Variants in PADI2 observed in about 807,000 individuals in gnomAD.
PADI2 encodes protein-arginine deiminase type-2.
In PADI2, 70 loss-of-function variants were observed where a neutral mutation model predicts 81.1. That is an observed-to-expected ratio of 0.86 (90% CI 0.71 to 1.05). PADI2 has a LOEUF of 1.05. Among genes scored for constraint, PADI2 ranks in the 50% least tolerant of loss-of-function variants. The probability of loss-of-function intolerance (pLI) is 0.00; values close to 1 mark genes in which losing one functional copy is unlikely to be tolerated. For synonymous variants in PADI2, 338 were observed against 358.0 expected, an observed-to-expected ratio of 0.94 and a Z score of 0.63; for missense variants, 853 against 889.9, an observed-to-expected ratio of 0.96 and a Z score of 0.53.
Position 17,119,332 on chromosome 1 carries a change from G to A in PADI2, c.40C>T (p.Arg14Cys). The A allele has an allele frequency of 6.4e-7, 1 of 1,557,368 alleles. No individual in the cohort carries two copies. The change falls in exon 1 of 16, where the codon CGC (arginine) becomes TGC (cysteine). Residue 14 changes from arginine (R) to cysteine (C), a missense_variant. By Grantham distance (180) the Arg-to-Cys change is radical. Coordinates refer to ENST00000375486, the MANE Select transcript of PADI2 (RefSeq NM_007365.3). The surrounding 1 kb of genome is among the most constrained non-coding windows in gnomAD (Gnocchi z 4.8). ...ERTVRLQYGS[R>C]VEAVYVLGTY... Reference sequence around the variant, plus strand: ...CCCAGCACGTACACCGCCTCCACGCGGCTCCCGTACTGCAGCCGCACGGTC... The same window carrying A: ...CCCAGCACGTACACCGCCTCCACGCAGCTCCCGTACTGCAGCCGCACGGTC...
At chr1:17,117,776 T>C (rs1397717745) in intron 1 of PADI2, among the ~76,000 whole-genome samples, 2 of 152,212 alleles carry the variant, frequency 1.3e-5, no homozygotes, top group Non-Finnish European at 2.9e-5. Flanking sequence ...GTGGGTATGG[T>C]GACAGCTGAG....
chr1:17,077,436 G>C (rs2647196), intron 11 of PADI2, among the ~76,000 whole-genome samples: 148,346 of 152,246 alleles, frequency 0.97, 72,279 homozygotes, highest in East Asian at 1. Flanking sequence ...TTTAAGGGCC[G>C]CCCCTGAGCT....
chr1:17,116,078 A>G (rs1024084411), intron 1 of PADI2, among the ~76,000 whole-genome samples: 1 of 152,218 alleles, frequency 6.6e-6, no homozygotes, highest in African/African-American at 2.4e-5. Flanking sequence ...TACATCTTCT[A>G]TTGAATACAA....
At position 17,071,331 on chromosome 1, in the gene PADI2, G is replaced by T. The variant is rs566731935; in HGVS notation, c.1635+75C>A. ...GAGCCCTTGGCCATTCTCTACGGAAGCCCCAAGGATGTAAGGGCCTGAGCC... is the reference window on the plus strand; with the variant it reads ...GAGCCCTTGGCCATTCTCTACGGAATCCCCAAGGATGTAAGGGCCTGAGCC... On this transcript the variant is annotated intron_variant, in intron 14 of 15. Coordinates refer to ENST00000375486, the MANE Select transcript of PADI2 (RefSeq NM_007365.3). 7.9e-5 allele frequency: 87 copies of T among 1,097,942 alleles called. 2 individuals carry two copies. In the South Asian group the frequency reaches 1.0e-3, roughly 13 times the overall value. 68.0% of individuals were successfully genotyped at this position (1,097,942 alleles called of 1,614,324 possible). A position where few individuals can be genotyped will look rare whatever the true frequency, so the allele number is the denominator to read the frequency against.
chr1:17,114,459 T>C (rs1931690496), intron 1 of PADI2, among the ~76,000 whole-genome samples: 1 of 152,066 alleles, frequency 6.6e-6, no homozygotes, highest in Non-Finnish European at 1.5e-5. Flanking sequence ...GGACAAACAC[T>C]CCTTCCTTCA....
At position 17,095,892 on chromosome 1, in the gene PADI2, C is replaced by A; in HGVS notation, c.411+17G>T. 2 of 1,602,890 alleles carry A rather than the reference C, an allele frequency of 1.2e-6. No individual in the cohort carries two copies. Among genetic ancestry groups the A allele is most frequent in the Non-Finnish European group, 1.7e-6 (2 of 1,173,272 alleles). ...AGCCCTGGGTTCAGGGTGGTGCCTG[C>A]CCTGAAAGCTAGGTACCTTCTTTGG... is the stretch of plus-strand genomic sequence containing the variant. On this transcript the variant is annotated intron_variant, in intron 4 of 15. Coordinates refer to ENST00000375486, the MANE Select transcript of PADI2 (RefSeq NM_007365.3).
At chr1:17,092,267 A>G in intron 6 of PADI2, 141 bp downstream of exon 6, 1 of 595,344 alleles carries the variant, frequency 1.7e-6, no homozygotes, top group Non-Finnish European at 2.9e-6. Flanking sequence ...TTCACGGGAC[A>G]ACAGCATTGC....
intron 6 of PADI2, among the ~76,000 whole-genome samples, chr1:17,091,801 C>T (rs550283120): frequency 5.9e-5 from 9 of 152,166 alleles, no homozygotes; most frequent in East Asian, 5.8e-4. Context: ...GCTAGACTGG[C>T]GGCTCCTTGA....
intron 1 of PADI2, among the ~76,000 whole-genome samples, chr1:17,112,216 AG>A (rs1286646776): frequency 6.6e-6 from 1 of 151,886 alleles, no homozygotes; most frequent in African/African-American, 2.4e-5. Context: ...AATGGCCACT[AG>A]GTTGGTGTCA....
rs778665624 is a variant in PADI2, at chr1:17,083,767, C to T, written c.1009G>A (p.Val337Ile). ...CCTCGGTTTAGGTACTGGAAGCAGA[C>T]CTTCAGCTCACAGTTGGTTTTCTCC... ...LVEKTNCELK[V>I]CFQYLNRGDR... The change falls in exon 9 of 16, where the codon GTC (valine) becomes ATC (isoleucine). Residue 337 changes from valine to isoleucine, a missense_variant. Val to Ile is a conservative substitution (Grantham distance 29, BLOSUM62 3). Coordinates refer to ENST00000375486, the MANE Select transcript of PADI2 (RefSeq NM_007365.3). 6.2e-7 allele frequency: 1 copy of T among 1,613,828 alleles called. No individual in the cohort carries two copies. Among genetic ancestry groups the T allele is most frequent in the Non-Finnish European group, 8.5e-7 (1 of 1,179,686 alleles).
In PADI2 at chr1:17,104,898, T is replaced by C; in HGVS notation, c.256A>G (p.Thr86Ala). Residue 86 changes from threonine to alanine, a missense_variant, in exon 2 of 16, where the codon ACC (threonine) becomes GCC (alanine). Coordinates refer to ENST00000375486, the MANE Select transcript of PADI2 (RefSeq NM_007365.3). Reference sequence around the variant, plus strand: ...GGTACCTTGTCACTGCTGGCCTCGGTGCTCGCCTGGCTCATGGTGACCCGC... The same window carrying C: ...GGTACCTTGTCACTGCTGGCCTCGGCGCTCGCCTGGCTCATGGTGACCCGC... ...TLRVTMSQAS[T>A]EASSDKVTVN... 6.3e-7 allele frequency: 1 copy of C among 1,586,486 alleles called. No homozygotes were observed. Among genetic ancestry groups the C allele is most frequent in the African/African-American group, 1.3e-5 (1 of 74,592 alleles).
At chr1:17,083,094 A>T (rs2078357626) in intron 9 of PADI2, 1 of 157,998 alleles carries the variant, frequency 6.3e-6, no homozygotes, top group Non-Finnish European at 1.4e-5. Context: ...GCATGTCTTG[A>T]ATTCCTGTTC....
Position 17,071,488 on chromosome 1 carries a change from A to C in PADI2, c.1553T>G (p.Leu518Trp). 6.2e-7 allele frequency: 1 copy of C among 1,612,850 alleles called. No individual in the cohort carries two copies. Among genetic ancestry groups the C allele is most frequent in the East Asian group, 2.2e-5 (1 of 44,860 alleles). Reference sequence around the variant, plus strand: ...GATTCGCTTGCTGCTCATCCCACCCAAGCCTGTGGGGTTCAAAGGACAGGG... The same window carrying C: ...GATTCGCTTGCTGCTCATCCCACCCCAGCCTGTGGGGTTCAAAGGACAGGG... ...GHGEAIMFKG[L>W]GGMSSKRITI... Residue 518 changes from leucine (L) to tryptophan (W), a missense_variant, in exon 14 of 16, where the codon TTG (leucine) becomes TGG (tryptophan). Coordinates refer to ENST00000375486, the MANE Select transcript of PADI2 (RefSeq NM_007365.3).
intron 3 of PADI2, among the ~76,000 whole-genome samples, chr1:17,096,904 G>T (rs1328377931): frequency 6.6e-6 from 1 of 152,168 alleles, no homozygotes; most frequent in Non-Finnish European, 1.5e-5. Flanking sequence ...TTGTGTGGGG[G>T]CAGCCTGTGC....
chr1:17,080,205 C>G (rs2078333946), intron 10 of PADI2, among the ~76,000 whole-genome samples: 1 of 152,234 alleles, frequency 6.6e-6, no homozygotes, highest in Admixed American at 6.5e-5. Context: ...ATTTTGCATC[C>G]TGACCCATTG....
At chr1:17,080,539 T>C (rs952753233) in intron 10 of PADI2, among the ~76,000 whole-genome samples, 1 of 152,196 alleles carries the variant, frequency 6.6e-6, no homozygotes, top group African/African-American at 2.4e-5. Context: ...TTGTCGGTCA[T>C]GGAGATTTCG....
In PADI2 at chr1:17,102,578, A is replaced by C. The variant is rs1030252807; in HGVS notation, c.349+409T>G. ...ACCCTCGGGGCTGAATCTGGGGAGA[A>C]CCAGGGGGCAGCTGGGATTGTCAAG... On this transcript the variant is annotated intron_variant, in intron 3 of 15. Transcript: ENST00000375486. 8.5e-5 allele frequency among the ~76,000 whole-genome samples: 13 copies of C among 152,322 alleles called. 1 individual carries two copies. Among genetic ancestry groups the C allele is most frequent in the African/African-American group, 3.1e-4 (13 of 41,566 alleles).
chr1:17,082,852 G>A, intron 9 of PADI2, 200 bp from the exon 10 acceptor site: 1 of 478,932 alleles, frequency 2.1e-6, no homozygotes, highest in Non-Finnish European at 3.7e-6. Context: ...ATCACAGGCA[G>A]GTTTCTTACC....
At chr1:17,091,335 C>T (rs1446772080) in intron 6 of PADI2, among the ~76,000 whole-genome samples, 1 of 150,756 alleles carries the variant, frequency 6.6e-6, no homozygotes, top group Non-Finnish European at 1.5e-5. Flanking sequence ...CCACGACCCG[C>T]CTTGTACCAT....
Sources: gnomAD v4.1 joint callset for allele counts (sites outside exome capture counted in the v4.1 genomes callset) on GRCh38, gnomAD v4.1.1 for gene constraint, Gnocchi (gnomAD v3.1) non-coding constraint, MANE v1.5 for transcripts, NCBI Gene and HGNC (gene_info 2026-07-23, HGNC 2026-07-21) for gene names.